Variants in SPIDR observed in about 807,000 individuals in gnomAD.
SPIDR encodes the protein scaffold protein involved in DNA repair.
In SPIDR, 93 loss-of-function variants were observed where a neutral mutation model predicts 104.6. The observed-to-expected ratio is 0.89, with a 90% confidence interval of 0.75 to 1.06. The LOEUF is 1.06. Among genes scored for constraint, SPIDR ranks in the 50% least tolerant of loss-of-function variants. SPIDR has a pLI of 0.00. For synonymous variants in SPIDR, 431 were observed against 416.9 expected (o/e 1.03, Z -0.41); for missense variants, 1,154 against 1,111.2 (o/e 1.04, Z -0.55).
intron 5 of SPIDR, among the ~76,000 whole-genome samples, chr8:47,366,356 G>A (rs2057209943): frequency 6.6e-6 from 1 of 152,142 alleles, no homozygotes; most frequent in Non-Finnish European, 1.5e-5. Flanking sequence ...ATTAGATTGT[G>A]GGGGCTGTGG....
intron 8 of SPIDR, among the ~76,000 whole-genome samples, chr8:47,451,708 A>G (rs1161727113): frequency 3.9e-5 from 6 of 152,194 alleles, no homozygotes; most frequent in African/African-American, 1.4e-4. Flanking sequence ...GCAGAATGAA[A>G]AAAATGAACA....
intron 10 of SPIDR, among the ~76,000 whole-genome samples, chr8:47,642,034 C>A (rs145197674): frequency 1.3e-5 from 2 of 152,136 alleles, no homozygotes; most frequent in Non-Finnish European, 2.9e-5. Context: ...CGTGTGGGAG[C>A]AGCCCTGGCA....
chr8:47,500,911 A>G (rs1490075882), intron 8 of SPIDR, among the ~76,000 whole-genome samples: 1 of 152,184 alleles, frequency 6.6e-6, no homozygotes, highest in Admixed American at 6.5e-5. Flanking sequence ...TCCTTTCCCC[A>G]TTGCTTGTTT....
At chr8:47,624,752 A>G (rs1431095374) in intron 10 of SPIDR, among the ~76,000 whole-genome samples, 7 of 152,226 alleles carry the variant, frequency 4.6e-5, no homozygotes, top group Non-Finnish European at 1.5e-5. Flanking sequence ...TCAATACCTT[A>G]CCAACCAAAA....
At chr8:47,355,781 C>A (rs1398314394) in intron 5 of SPIDR, among the ~76,000 whole-genome samples, 1 of 152,184 alleles carries the variant, frequency 6.6e-6, no homozygotes, top group African/African-American at 2.4e-5. Flanking sequence ...CCAAGGACCT[C>A]TAAACACTAT....
At chr8:47,277,462 C>T (rs2154219285) in intron 1 of SPIDR, among the ~76,000 whole-genome samples, 1 of 151,464 alleles carries the variant, frequency 6.6e-6, no homozygotes, top group Non-Finnish European at 1.5e-5. Flanking sequence ...AACTCCTGGG[C>T]TCAAGCGATT....
chr8:47,688,406 G>C (rs1455906787), intron 11 of SPIDR: 2 of 152,420 alleles, frequency 1.3e-5, no homozygotes, highest in African/African-American at 2.4e-5. Context: ...ACAGGCGTGA[G>C]CCACCACGCC....
chr8:47,288,410 G>C (rs1554564965), intron 3 of SPIDR, among the ~76,000 whole-genome samples: 1 of 151,716 alleles, frequency 6.6e-6, no homozygotes, highest in Non-Finnish European at 1.5e-5. Flanking sequence ...TCAGTCTCCC[G>C]AGTAGCTGGG....
intron 10 of SPIDR, among the ~76,000 whole-genome samples, chr8:47,623,711 A>G (rs375348741): frequency 6.6e-6 from 1 of 152,224 alleles, no homozygotes; most frequent in South Asian, 2.1e-4. Flanking sequence ...ATATGCACCC[A>G]ATACAGGAGC....
chr8:47,323,371 A>G (rs2047118038), intron 5 of SPIDR, among the ~76,000 whole-genome samples: 3 of 152,208 alleles, frequency 2.0e-5, no homozygotes, highest in African/African-American at 4.8e-5. Flanking sequence ...GTGAGTGTAC[A>G]GTGTCTCACC....
chr8:47,729,594 C>T (rs1476592358), intron 19 of SPIDR, 129 bp downstream of exon 19: 2 of 1,016,914 alleles, frequency 2.0e-6, no homozygotes, highest in East Asian at 5.3e-5. Context: ...GTGGTGTAGA[C>T]ACTCGAGAGT....
intron 7 of SPIDR, among the ~76,000 whole-genome samples, chr8:47,428,018 G>C (rs1554686391): frequency 6.6e-6 from 1 of 152,216 alleles, no homozygotes; most frequent in Admixed American, 6.5e-5. Context: ...TGCCTCCCGT[G>C]TTCAAGTGAT....
intron 8 of SPIDR, among the ~76,000 whole-genome samples, chr8:47,542,314 A>T (rs2088350002): frequency 6.6e-6 from 1 of 151,966 alleles, no homozygotes. Flanking sequence ...GGGTACCTGG[A>T]TGAGGGTTGT....
intron 8 of SPIDR, among the ~76,000 whole-genome samples, chr8:47,450,423 C>T (rs1428490118): frequency 6.6e-6 from 1 of 152,088 alleles, no homozygotes; most frequent in African/African-American, 2.4e-5. Context: ...GTCCCACCTC[C>T]CAATACTGCT....
At chr8:47,658,907 G>A (rs549689322) in intron 10 of SPIDR, among the ~76,000 whole-genome samples, 1 of 144,928 alleles carries the variant, frequency 6.9e-6, no homozygotes, top group African/African-American at 2.6e-5. Context: ...TTGCATTCCA[G>A]CCTGATCAAC....
intron 11 of SPIDR, among the ~76,000 whole-genome samples, chr8:47,698,147 T>A (rs955190932): frequency 3.8e-4 from 58 of 152,356 alleles, no homozygotes; most frequent in Admixed American, 1.1e-3. Flanking sequence ...AACTTTATAT[T>A]TTAAACTTTT....
chr8:47,291,743 G>A (rs1370988630), intron 4 of SPIDR, among the ~76,000 whole-genome samples: 1 of 152,134 alleles, frequency 6.6e-6, no homozygotes, highest in African/African-American at 2.4e-5. Context: ...TTCTTTCAAC[G>A]TCTACACAGT....
chr8:47,457,364 T>A lies in SPIDR; in HGVS notation c.1097+16822T>A, dbSNP rs145369057. Among the ~76,000 whole-genome samples, 413 of 152,304 alleles carry A rather than the reference T, an allele frequency of 2.7e-3. 1 individual carries two copies. The highest frequency in any genetic ancestry group is 9.7e-3 in the African/African-American group (403 of 41,574). On this transcript the variant is annotated intron_variant, in intron 8 of 19. Coordinates refer to ENST00000297423, the MANE Select transcript of SPIDR (RefSeq NM_001080394.4). The stretch of plus-strand genomic sequence containing the variant: ...TCCATTTCCGTGATCATTGGTGATG[T>A]TGAGCATTTTTTCATATGTTCATTG...
intron 8 of SPIDR, among the ~76,000 whole-genome samples, chr8:47,553,237 G>C (rs1355628046): frequency 6.6e-6 from 1 of 152,032 alleles, no homozygotes; most frequent in African/African-American, 2.4e-5. Flanking sequence ...ACAATTATGT[G>C]TCTTGGGGTT....
Sources: allele counts gnomAD v4.1 joint callset (sites outside exome capture counted in the v4.1 genomes callset), GRCh38; gene constraint gnomAD v4.1.1; transcripts MANE v1.5; gene names NCBI Gene and HGNC (gene_info 2026-07-23, HGNC 2026-07-21).